PCCA: variants seen among roughly 807,000 people sequenced by gnomAD.
PCCA encodes the protein propionyl-CoA carboxylase alpha chain, mitochondrial.
Under a neutral mutation model 101.3 loss-of-function variants are expected in PCCA, and 74 were observed. The ratio of observed to expected loss-of-function variants is 0.73; its 90% confidence interval spans 0.61 to 0.89. The LOEUF is 0.89. Ranked by LOEUF, PCCA falls within the 40% of genes least tolerant of loss-of-function variation. The probability of loss-of-function intolerance (pLI) is 0.00; values close to 1 mark genes in which losing one functional copy is unlikely to be tolerated. For synonymous variants in PCCA, 294 were observed against 313.6 expected, an observed-to-expected ratio of 0.94 and a Z score of 0.66; for missense variants, 891 against 907.0, an observed-to-expected ratio of 0.98 and a Z score of 0.23.
intron 17 of PCCA, among the ~76,000 whole-genome samples, chr13:100,331,884 G>GAAA (rs36102435): frequency 7.3e-6 from 1 of 136,684 alleles, no homozygotes. Context: ...TTGAATTAAT[G>GAAA]AAAAAAAAAA....
chr13:100,340,444 T>C (rs1029062853), intron 18 of PCCA, among the ~76,000 whole-genome samples, 185 bp downstream of exon 18: 1 of 152,240 alleles, frequency 6.6e-6, no homozygotes, highest in Non-Finnish European at 1.5e-5. Context: ...AAACAAGTTT[T>C]TTTAAGTTCA....
intron 1 of PCCA, among the ~76,000 whole-genome samples, chr13:100,093,077 T>C (rs2046421539): frequency 6.6e-6 from 1 of 152,216 alleles, no homozygotes; most frequent in Admixed American, 6.5e-5. Context: ...GTTTAAATGA[T>C]TCCAAACTTT....
intron 13 of PCCA, 129 bp downstream of exon 13, chr13:100,301,732 T>C: frequency 9.3e-7 from 1 of 1,076,196 alleles, no homozygotes; most frequent in Non-Finnish European, 1.4e-6. Context: ...TAATCCATAA[T>C]TAAATCAGAA....
rs767995608 is a variant in PCCA, at chr13:100,527,721, A to G, written c.2087A>G (p.Gln696Arg). 6.2e-7 allele frequency: 1 copy of G among 1,614,006 alleles called. No individual in the cohort carries two copies. Among genetic ancestry groups the G allele is most frequent in the East Asian group, 2.2e-5 (1 of 44,888 alleles). ...TGTGTGATTGAAGCCATGAAAATGCAGAATAGTATGACAGCTGGGAAAACT... is the reference window on the plus strand; with the variant it reads ...TGTGTGATTGAAGCCATGAAAATGCGGAATAGTATGACAGCTGGGAAAACT... ...EICVIEAMKM[Q>R]NSMTAGKTGT... Residue 696 changes from glutamine (Q) to arginine (R), a missense_variant, in exon 23 of 24, where the codon CAG becomes CGG. Coordinates refer to ENST00000376285, the MANE Select transcript of PCCA (RefSeq NM_000282.4).
intron 8 of PCCA, among the ~76,000 whole-genome samples, chr13:100,246,921 A>G (rs181384223): frequency 0.02 from 2,873 of 146,330 alleles, 38 homozygotes; most frequent in Non-Finnish European, 0.029. Flanking sequence ...TTTTTTTTTA[A>G]TTAAGACAAT....
intron 8 of PCCA, among the ~76,000 whole-genome samples, chr13:100,247,995 A>C (rs77816040): frequency 3.5e-4 from 54 of 152,278 alleles, no homozygotes; most frequent in Non-Finnish European, 6.6e-4. Flanking sequence ...TATGATATTA[A>C]TATTCCTAAA....
At chr13:100,488,370 A>G (rs1938527839) in intron 21 of PCCA, among the ~76,000 whole-genome samples, 1 of 152,224 alleles carries the variant, frequency 6.6e-6, no homozygotes, top group Admixed American at 6.5e-5. Flanking sequence ...TAGGATTTAC[A>G]GGTGTGAGCC....
chr13:100,257,526 T>G, intron 8 of PCCA, 69 bp from the exon 9 acceptor site: 1 of 1,037,042 alleles, frequency 9.6e-7, no homozygotes, highest in Non-Finnish European at 1.5e-6. Context: ...GAACATGTGG[T>G]CAATTGTCAT....
intron 12 of PCCA, among the ~76,000 whole-genome samples, chr13:100,293,000 GT>G (rs35322811): frequency 2.0e-5 from 3 of 147,154 alleles, no homozygotes; most frequent in Non-Finnish European, 3.0e-5. Context: ...CAGATGCTAG[GT>G]TTTTTTTTAG....
At position 100,492,908 on chromosome 13, in the gene PCCA, C is replaced by T. The variant is rs114000186; in HGVS notation, c.1900-22519C>T. ...CCCTTTCCAGCTCCGCATCTCTCAC[C>T]GAGAGCCATCTCCATCACTCAGTAA... On this transcript the variant is annotated intron_variant, in intron 21 of 23. Transcript: ENST00000376285. Among the ~76,000 whole-genome samples, 645 of 151,968 alleles carry T rather than the reference C, an allele frequency of 4.2e-3. 4 individuals are homozygous for T. The highest frequency in any genetic ancestry group is 0.015 in the African/African-American group (609 of 41,456).
intron 19 of PCCA, among the ~76,000 whole-genome samples, chr13:100,423,865 G>A (rs1219851423): frequency 6.6e-6 from 1 of 152,222 alleles, no homozygotes; most frequent in African/African-American, 2.4e-5. Flanking sequence ...GGCATGGGGA[G>A]AACGTAGACT....
chr13:100,454,829 C>G (rs745519289), intron 21 of PCCA, among the ~76,000 whole-genome samples: 3 of 152,010 alleles, frequency 2.0e-5, no homozygotes, highest in Non-Finnish European at 2.9e-5. Flanking sequence ...TCACTCTGAA[C>G]TTTTAAAAAA....
chr13:100,420,354 C>T (rs2078664140), intron 19 of PCCA, among the ~76,000 whole-genome samples: 1 of 152,164 alleles, frequency 6.6e-6, no homozygotes, highest in African/African-American at 2.4e-5. Context: ...GGGAGGACTG[C>T]TTGAGCCCAG....
intron 7 of PCCA, among the ~76,000 whole-genome samples, chr13:100,220,956 C>T (rs1012097773): frequency 1.3e-5 from 2 of 152,144 alleles, no homozygotes; most frequent in African/African-American, 4.8e-5. Flanking sequence ...GACTGTCTCT[C>T]CTAGGCCCAG....
chr13:100,109,780 C>T (rs1274994551), intron 2 of PCCA, among the ~76,000 whole-genome samples: 1 of 152,118 alleles, frequency 6.6e-6, no homozygotes, highest in Non-Finnish European at 1.5e-5. Context: ...AAAGGTTAAA[C>T]CAAGACCTAG....
At chr13:100,207,352 T>C (rs2058922549) in intron 6 of PCCA, among the ~76,000 whole-genome samples, 1 of 152,150 alleles carries the variant, frequency 6.6e-6, no homozygotes, top group African/African-American at 2.4e-5. Flanking sequence ...CTACTCATTT[T>C]CTCTGAATGA....
In PCCA at chr13:100,470,837, C is replaced by T. The variant is rs7324988; in HGVS notation, c.1899+21532C>T. On this transcript the variant is annotated intron_variant, in intron 21 of 23. Coordinates refer to ENST00000376285, the MANE Select transcript of PCCA (RefSeq NM_000282.4). ...TCACAACACTGCACTCCAGCCTGGGCGACAGAGTGAGACTCTGTCTCAAAA... is the reference window on the plus strand; with the variant it reads ...TCACAACACTGCACTCCAGCCTGGGTGACAGAGTGAGACTCTGTCTCAAAA... 9.5e-3 allele frequency among the ~76,000 whole-genome samples: 1,442 copies of T among 152,058 alleles called. 23 individuals carry two copies. Among genetic ancestry groups the T allele is most frequent in the African/African-American group, 0.032 (1,329 of 41,474 alleles).
intron 21 of PCCA, among the ~76,000 whole-genome samples, chr13:100,465,850 C>T (rs1402184417): frequency 1.3e-5 from 2 of 152,230 alleles, no homozygotes; most frequent in African/African-American, 2.4e-5. Flanking sequence ...ACTTGAATAC[C>T]TTATGCGAAG....
intron 21 of PCCA, among the ~76,000 whole-genome samples, chr13:100,505,663 A>C (rs1338337510): frequency 6.6e-6 from 1 of 152,200 alleles, no homozygotes; most frequent in Non-Finnish European, 1.5e-5. Context: ...CCAGGAGTTC[A>C]AGACCAGCCT....
Sources: gnomAD v4.1 joint callset for allele counts (sites outside exome capture counted in the v4.1 genomes callset) on GRCh38, gnomAD v4.1.1 for gene constraint, MANE v1.5 for transcripts, NCBI Gene and HGNC (gene_info 2026-07-23, HGNC 2026-07-21) for gene names.